Variants in CNTN6 observed in about 807,000 individuals in gnomAD.
CNTN6 encodes the protein contactin-6.
CNTN6 carries 137 observed loss-of-function variants against 122.8 expected under a neutral mutation model. That is an observed-to-expected ratio of 1.12 (90% confidence interval 0.97 to 1.29). CNTN6 has a LOEUF of 1.29. CNTN6 is among the 50% of genes most tolerant of loss of function. The pLI is 0.00. For synonymous variants in CNTN6, 570 were observed against 426.0 expected (o/e 1.34, Z -4.16); for missense variants, 1,634 against 1,223.4 (o/e 1.34, Z -5.01).
chr3:1,360,763 C>A (rs1457303001), intron 12 of CNTN6, among the ~76,000 whole-genome samples: 1 of 151,960 alleles, frequency 6.6e-6, no homozygotes, highest in African/African-American at 2.4e-5. Context: ...CCAAATTCAA[C>A]AGCCTATTTT....
intron 1 of CNTN6, among the ~76,000 whole-genome samples, chr3:1,098,783 C>T (rs1374684048): frequency 4.6e-4 from 25 of 54,078 alleles, no homozygotes; most frequent in East Asian, 1.2e-3. Context: ...CACACACACA[C>T]ACACACATAT....
chr3:1,295,105 A>G (rs1366205567), intron 5 of CNTN6, among the ~76,000 whole-genome samples: 1 of 152,188 alleles, frequency 6.6e-6, no homozygotes, highest in Non-Finnish European at 1.5e-5. Flanking sequence ...TAAAAAAGAA[A>G]TTATGTAATG....
intron 5 of CNTN6, among the ~76,000 whole-genome samples, chr3:1,290,263 C>A (rs925854747): frequency 6.6e-6 from 1 of 152,184 alleles, no homozygotes; most frequent in African/African-American, 2.4e-5. Context: ...AAGTACTTTA[C>A]AGTAATTTCA....
chr3:1,099,171 G>A (rs1029434422), intron 1 of CNTN6, among the ~76,000 whole-genome samples: 9 of 151,900 alleles, frequency 5.9e-5, no homozygotes, highest in African/African-American at 1.9e-4. Flanking sequence ...AACACATTTC[G>A]CCGGGCTCAG....
At chr3:1,300,214 C>T (rs1192007682) in intron 7 of CNTN6, among the ~76,000 whole-genome samples, 1 of 152,094 alleles carries the variant, frequency 6.6e-6, no homozygotes, top group Non-Finnish European at 1.5e-5. Context: ...TCTCGATCTG[C>T]TGACCTCGTG....
rs143789454 is a variant in CNTN6 at position 1,278,457 on chromosome 3, C to T, written c.403C>T (p.Arg135Ter). The T allele has an allele frequency of 2.9e-4, 473 of 1,612,152 alleles. 2 individuals are homozygous for T. The highest frequency in any genetic ancestry group is 8.5e-5 in the Non-Finnish European group (100 of 1,178,830). Residue 135 changes from arginine to a stop codon, truncating the protein, a stop_gained, in exon 5 of 23, where the codon CGA becomes TGA. Coordinates refer to ENST00000446702, the MANE Select transcript of CNTN6 (RefSeq NM_001289080.2). LOFTEE classifies it high-confidence loss of function. ...TAAAACAAGAAGCACAGTATCTGTCCGAGAAGGTCAAGGTGTGGTGCTTCT... is the reference window on the plus strand; with the variant it reads ...TAAAACAAGAAGCACAGTATCTGTCTGAGAAGGTCAAGGTGTGGTGCTTCT... ...ETKTRSTVSV[R>*]EGQGVVLLCG...
intron 1 of CNTN6, among the ~76,000 whole-genome samples, chr3:1,120,307 C>T (rs968916912): frequency 6.6e-6 from 1 of 151,948 alleles, no homozygotes; most frequent in Non-Finnish European, 1.5e-5. Flanking sequence ...TGTCATTTTA[C>T]ATTCCTGCCA....
At chr3:1,384,543 G>T (rs1378429412) in intron 19 of CNTN6, among the ~76,000 whole-genome samples, 1 of 148,110 alleles carries the variant, frequency 6.8e-6, no homozygotes. Context: ...CATTTTAAGG[G>T]AAAGTTGTTC....
chr3:1,382,542 G>A (rs1388523262), intron 17 of CNTN6, among the ~76,000 whole-genome samples: 1 of 152,152 alleles, frequency 6.6e-6, no homozygotes, highest in Non-Finnish European at 1.5e-5. Context: ...TGTTTAAAAT[G>A]TTGTGAAAGG....
At chr3:1,135,199 T>TA (rs1260297158) in intron 1 of CNTN6, among the ~76,000 whole-genome samples, 1 of 151,788 alleles carries the variant, frequency 6.6e-6, no homozygotes, top group Non-Finnish European at 1.5e-5. Context: ...TTCTCACTCT[T>TA]TTTTATTTTT....
chr3:1,105,246 T>C (rs1315910427), intron 1 of CNTN6, among the ~76,000 whole-genome samples: 1 of 152,122 alleles, frequency 6.6e-6, no homozygotes, highest in Non-Finnish European at 1.5e-5. Flanking sequence ...TATTTCAGTA[T>C]TGCTCTATAT....
At chr3:1,144,351 G>A (rs762208105) in intron 1 of CNTN6, among the ~76,000 whole-genome samples, 2 of 151,998 alleles carry the variant, frequency 1.3e-5, no homozygotes, top group Non-Finnish European at 2.9e-5. Flanking sequence ...CAAGATGGAC[G>A]GATCACTGGA....
intron 4 of CNTN6, among the ~76,000 whole-genome samples, chr3:1,246,033 T>C (rs2094578959): frequency 6.6e-6 from 1 of 152,202 alleles, no homozygotes; most frequent in Non-Finnish European, 1.5e-5. Context: ...TTGGACAAGC[T>C]TGTTTTAAGG....
rs1478251803 is a variant in CNTN6, at chr3:1,384,792, T to TAC, written c.2518-818_2518-817insCA. ...ATACACATATATATATATATATATA[T>TAC]ATATACACACACACACACACATATA... is the stretch of plus-strand genomic sequence containing the variant. On this transcript the variant is annotated intron_variant, in intron 19 of 22. Coordinates refer to ENST00000446702, the MANE Select transcript of CNTN6 (RefSeq NM_001289080.2). 6.0e-3 allele frequency among the ~76,000 whole-genome samples: 667 copies of TAC among 111,758 alleles called. 12 individuals carry two copies. Among genetic ancestry groups the TAC allele is most frequent in the African/African-American group, 0.021 (633 of 29,680 alleles). 73.3% of individuals were successfully genotyped at this position (111,758 alleles called of 152,430 possible). A position where few individuals can be genotyped will look rare whatever the true frequency, so the allele number is the denominator to read the frequency against.
chr3:1,098,095 G>T (rs949064843), intron 1 of CNTN6, among the ~76,000 whole-genome samples: 1 of 99,168 alleles, frequency 1.0e-5, no homozygotes, highest in African/African-American at 9.4e-5. Flanking sequence ...GTATATTTGC[G>T]GGGGGGGGAG....
chr3:1,234,439 T>C (rs2125579376), intron 4 of CNTN6, among the ~76,000 whole-genome samples: 1 of 152,270 alleles, frequency 6.6e-6, no homozygotes, highest in South Asian at 2.1e-4. Context: ...TTTTAAGAGT[T>C]TCCAAATTTC....
intron 20 of CNTN6, among the ~76,000 whole-genome samples, chr3:1,388,046 G>A (rs983528004): frequency 1.6e-4 from 24 of 152,142 alleles, no homozygotes; most frequent in Non-Finnish European, 3.2e-4. Context: ...AGCTCCAACT[G>A]GGTGGAGCCC....
At chr3:1,142,996 A>ATG (rs2092647916) in intron 1 of CNTN6, among the ~76,000 whole-genome samples, 1 of 123,612 alleles carries the variant, frequency 8.1e-6, no homozygotes, top group South Asian at 3.0e-4. Context: ...ATATATATAT[A>ATG]TATATATGTA....
chr3:1,295,563 T>C (rs1356356315), intron 5 of CNTN6, 38 bp from the exon 6 acceptor site: 2 of 1,546,946 alleles, frequency 1.3e-6, no homozygotes, highest in Non-Finnish European at 1.8e-6. Context: ...AAGGACAGTA[T>C]GGTTTTGTTT....
Sources: allele counts gnomAD v4.1 joint callset (sites outside exome capture counted in the v4.1 genomes callset), GRCh38; gene constraint gnomAD v4.1.1; transcripts MANE v1.5; gene names NCBI Gene and HGNC (gene_info 2026-07-23, HGNC 2026-07-21).